CNTNAP2: variants seen among roughly 807,000 people sequenced by gnomAD.
The protein encoded by CNTNAP2 is contactin-associated protein-like 2.
In CNTNAP2, 98 loss-of-function variants were observed where a neutral mutation model predicts 155.2. The ratio of observed to expected loss-of-function variants is 0.63; its 90% confidence interval spans 0.54 to 0.75. The LOEUF (loss-of-function observed/expected upper bound fraction) is 0.75. Ranked by LOEUF, CNTNAP2 falls within the 30% of genes least tolerant of loss-of-function variation. CNTNAP2 has a pLI of 0.00. For missense variants in CNTNAP2, 1,727 were observed against 1,688.1 expected, an observed-to-expected ratio of 1.02 and a Z score of -0.40; for synonymous variants, 651 against 631.2, an observed-to-expected ratio of 1.03 and a Z score of -0.47.
chr7:147,727,845 G>A lies in CNTNAP2; in HGVS notation c.2098+88539G>A, dbSNP rs114151344. On this transcript the variant is annotated intron_variant, in intron 13 of 23. Coordinates refer to ENST00000361727, the MANE Select transcript of CNTNAP2 (RefSeq NM_014141.6). Reference sequence around the variant, plus strand: ...GAGATTGCATAATGGGAGTATGAGGGACTTGGATAGGAAGCAGAGAACTGT... The same window carrying A: ...GAGATTGCATAATGGGAGTATGAGGAACTTGGATAGGAAGCAGAGAACTGT... Among the ~76,000 whole-genome samples, 907 of 151,724 alleles carry A rather than the reference G, an allele frequency of 6.0e-3. 8 individuals are homozygous for A. The highest frequency in any genetic ancestry group is 0.021 in the African/African-American group (848 of 41,354).
At chr7:146,610,024 C>T (rs1041733610) in intron 1 of CNTNAP2, among the ~76,000 whole-genome samples, 30 of 152,304 alleles carry the variant, frequency 2.0e-4, no homozygotes, top group African/African-American at 7.0e-4. Flanking sequence ...CAGGTGAGTT[C>T]CATGAACACT....
At chr7:146,884,903 A>T (rs1795626146) in intron 3 of CNTNAP2, among the ~76,000 whole-genome samples, 1 of 152,144 alleles carries the variant, frequency 6.6e-6, no homozygotes, top group South Asian at 2.1e-4. Context: ...TCCCTTAAAA[A>T]TTTTTACAGC....
chr7:146,225,219 C>A (rs993290723), intron 1 of CNTNAP2, among the ~76,000 whole-genome samples: 21 of 152,148 alleles, frequency 1.4e-4, no homozygotes, highest in African/African-American at 4.8e-4. Context: ...ACTCGAAACA[C>A]TGATGAGTAG....
intron 9 of CNTNAP2, among the ~76,000 whole-genome samples, chr7:147,348,450 A>T (rs562883233): frequency 6.6e-6 from 1 of 152,152 alleles, no homozygotes; most frequent in Admixed American, 6.5e-5. Flanking sequence ...ACAATAAGTT[A>T]TCGCACCGTC....
At chr7:148,287,369 C>T (rs1438520963) in intron 21 of CNTNAP2, among the ~76,000 whole-genome samples, 19 of 152,118 alleles carry the variant, frequency 1.2e-4, no homozygotes, top group Admixed American at 1.2e-3. Flanking sequence ...AGTCAATAAA[C>T]AAAAACAATT....
At chr7:148,006,379 G>T (rs1801980561) in intron 15 of CNTNAP2, among the ~76,000 whole-genome samples, 1 of 147,648 alleles carries the variant, frequency 6.8e-6, no homozygotes, top group South Asian at 2.1e-4. Flanking sequence ...GAGTACAGTG[G>T]TACAATCTCT....
Position 148,133,140 on chromosome 7 carries a change from T to G in CNTNAP2, c.2555-14351T>G, listed in dbSNP as rs114678734. Reference sequence around the variant, plus strand: ...TAAGCTGCTCTACCCAGTAAAACCCTAGGTTTCTGCAGCCATATGACAGTC... The same window carrying G: ...TAAGCTGCTCTACCCAGTAAAACCCGAGGTTTCTGCAGCCATATGACAGTC... On this transcript the variant is annotated intron_variant, in intron 16 of 23. Coordinates refer to ENST00000361727, the MANE Select transcript of CNTNAP2 (RefSeq NM_014141.6). 2.2e-3 allele frequency among the ~76,000 whole-genome samples: 341 copies of G among 152,168 alleles called. 1 individual carries two copies. The highest frequency in any genetic ancestry group is 8.0e-3 in the African/African-American group (332 of 41,514).
chr7:146,182,893 A>C, intron 1 of CNTNAP2, among the ~76,000 whole-genome samples: 1 of 152,128 alleles, frequency 6.6e-6, no homozygotes, highest in Non-Finnish European at 1.5e-5. Context: ...CCAATTTTCT[A>C]TCTAGGTCCT....
intron 8 of CNTNAP2, among the ~76,000 whole-genome samples, chr7:147,288,909 C>G (rs1190476610): frequency 6.6e-6 from 1 of 152,052 alleles, no homozygotes; most frequent in Non-Finnish European, 1.5e-5. Flanking sequence ...AGTGCCTTCC[C>G]TTTATACATA....
intron 1 of CNTNAP2, among the ~76,000 whole-genome samples, chr7:146,185,426 A>G (rs1798609335): frequency 6.6e-6 from 1 of 152,148 alleles, no homozygotes; most frequent in African/African-American, 2.4e-5. Flanking sequence ...CTCAAAGCCA[A>G]GAGTATTTAC....
At chr7:146,443,573 T>C (rs1796358727) in intron 1 of CNTNAP2, among the ~76,000 whole-genome samples, 1 of 152,208 alleles carries the variant, frequency 6.6e-6, no homozygotes, top group Non-Finnish European at 1.5e-5. Flanking sequence ...ATTTAATCCA[T>C]CTAACAACCA....
intron 1 of CNTNAP2, among the ~76,000 whole-genome samples, chr7:146,203,062 C>T (rs895459632): frequency 3.9e-5 from 6 of 152,148 alleles, no homozygotes; most frequent in African/African-American, 1.4e-4. Flanking sequence ...AAAGAACAAA[C>T]TTTTCTCTAT....
At chr7:147,519,725 G>A (rs1220790130) in intron 11 of CNTNAP2, among the ~76,000 whole-genome samples, 1 of 152,148 alleles carries the variant, frequency 6.6e-6, no homozygotes, top group African/African-American at 2.4e-5. Flanking sequence ...AAATTAGCTG[G>A]ACATGGTGGT....
chr7:148,063,612 T>C (rs965193580), intron 15 of CNTNAP2, among the ~76,000 whole-genome samples: 4 of 151,666 alleles, frequency 2.6e-5, no homozygotes, highest in Non-Finnish European at 5.9e-5. Context: ...CAGTAGGTTT[T>C]TGGGGAACAG....
intron 8 of CNTNAP2, among the ~76,000 whole-genome samples, chr7:147,243,818 C>T (rs1391575245): frequency 6.6e-6 from 1 of 152,072 alleles, no homozygotes; most frequent in Non-Finnish European, 1.5e-5. Context: ...AAAGGGCTGT[C>T]ATGAACAAAG....
At chr7:147,888,281 A>T (rs1188603103) in intron 13 of CNTNAP2, among the ~76,000 whole-genome samples, 1 of 152,170 alleles carries the variant, frequency 6.6e-6, no homozygotes, top group Admixed American at 6.5e-5. Flanking sequence ...CCAAATAAAC[A>T]TTACAGGAAT....
intron 1 of CNTNAP2, among the ~76,000 whole-genome samples, chr7:146,653,896 G>A (rs1157307527): frequency 6.6e-6 from 1 of 152,054 alleles, no homozygotes; most frequent in African/African-American, 2.4e-5. Flanking sequence ...ACTGGTTAGT[G>A]GCAGAAGTAG....
intron 1 of CNTNAP2, among the ~76,000 whole-genome samples, chr7:146,227,012 A>G (rs117635709): frequency 0.023 from 3,543 of 152,316 alleles, 62 homozygotes; most frequent in Non-Finnish European, 0.032. Flanking sequence ...TGAAAAAGGC[A>G]GAGAATACAA....
At chr7:147,866,750 G>GTTT (rs138084282) in intron 13 of CNTNAP2, among the ~76,000 whole-genome samples, 54 of 148,020 alleles carry the variant, frequency 3.6e-4, no homozygotes, top group African/African-American at 9.5e-4. Context: ...TGCAACCCCT[G>GTTT]TTTTTTTTTT....
Sources: gnomAD v4.1 joint callset for allele counts (sites outside exome capture counted in the v4.1 genomes callset) on GRCh38, gnomAD v4.1.1 for gene constraint, MANE v1.5 for transcripts, NCBI Gene and HGNC (gene_info 2026-07-23, HGNC 2026-07-21) for gene names.